Variants in EPHA3 observed in about 807,000 individuals in gnomAD.
EPHA3 encodes ephrin type-A receptor 3.
In EPHA3, 42 loss-of-function variants were observed where a neutral mutation model predicts 107.1. That is an observed-to-expected ratio of 0.39 (90% confidence interval 0.31 to 0.51). The LOEUF (loss-of-function observed/expected upper bound fraction) is 0.51. Ranked by LOEUF, EPHA3 falls within the 20% of genes least tolerant of loss-of-function variation. The pLI is 0.78. For missense variants in EPHA3, 1,183 were observed against 1,211.2 expected, an observed-to-expected ratio of 0.98 and a Z score of 0.35; for synonymous variants, 461 against 424.8, an observed-to-expected ratio of 1.09 and a Z score of -1.05.
intron 13 of EPHA3, among the ~76,000 whole-genome samples, chr3:89,432,553 G>C (rs1374143728): frequency 6.6e-6 from 1 of 151,852 alleles, no homozygotes. Flanking sequence ...TACAGGCATG[G>C]ACCACCAGCC....
At chr3:89,187,282 A>G (rs113168766) in intron 2 of EPHA3, among the ~76,000 whole-genome samples, 4,843 of 149,108 alleles carry the variant, frequency 0.032, 257 homozygotes, top group African/African-American at 0.11. Flanking sequence ...GAATGTATTT[A>G]ATATATGAGT....
chr3:89,148,112 C>G lies in EPHA3; in HGVS notation c.153+20839C>G, dbSNP rs550668853. 2.6e-5 allele frequency among the ~76,000 whole-genome samples: 4 copies of G among 151,960 alleles called. No homozygotes were observed. In the South Asian group the frequency reaches 8.3e-4, roughly 32 times the overall value. On this transcript the variant is annotated intron_variant, in intron 2 of 16. Coordinates refer to ENST00000336596, the MANE Select transcript of EPHA3 (RefSeq NM_005233.6). ...CATGAACTTGTGTGTTGATTAAATG[C>G]AAATATCAGTCAGTAACACACACAT...
chr3:89,380,461 G>C (rs1363550733), intron 5 of EPHA3, among the ~76,000 whole-genome samples: 1 of 152,048 alleles, frequency 6.6e-6, no homozygotes, highest in Non-Finnish European at 1.5e-5. Flanking sequence ...AAAACAACAG[G>C]GTTTGTGTAT....
chr3:89,290,047 A>G (rs571671504), intron 3 of EPHA3, among the ~76,000 whole-genome samples: 1 of 152,214 alleles, frequency 6.6e-6, no homozygotes, highest in South Asian at 2.1e-4. Context: ...GTGTTTTATC[A>G]AAGATAATGT....
chr3:89,171,409 T>TA (rs1705206121), intron 2 of EPHA3, among the ~76,000 whole-genome samples: 1 of 152,192 alleles, frequency 6.6e-6, no homozygotes, highest in Non-Finnish European at 1.5e-5. Flanking sequence ...TGGAAGCAAT[T>TA]AATTTTGGTG....
intron 2 of EPHA3, among the ~76,000 whole-genome samples, chr3:89,145,804 C>G (rs1252428752): frequency 6.6e-6 from 1 of 151,572 alleles, no homozygotes; most frequent in Non-Finnish European, 1.5e-5. Context: ...TTCTCACTCT[C>G]CATTTCACTG....
chr3:89,459,017 A>G (rs1049334089), intron 15 of EPHA3, among the ~76,000 whole-genome samples: 2 of 152,122 alleles, frequency 1.3e-5, no homozygotes, highest in Non-Finnish European at 2.9e-5. Flanking sequence ...ATCACACACC[A>G]GGGCCTATTG....
chr3:89,334,195 C>T (rs573697419), intron 3 of EPHA3, among the ~76,000 whole-genome samples: 9 of 152,246 alleles, frequency 5.9e-5, no homozygotes, highest in African/African-American at 2.2e-4. Flanking sequence ...GTTTGGCAGT[C>T]AATGTATATC....
intron 3 of EPHA3, among the ~76,000 whole-genome samples, chr3:89,281,173 G>T (rs956385576): frequency 1.3e-5 from 2 of 151,968 alleles, no homozygotes; most frequent in Non-Finnish European, 1.5e-5. Context: ...ACAGGCCCAC[G>T]CCGCCACGCC....
chr3:89,202,171 C>T (rs1234108197), intron 2 of EPHA3, among the ~76,000 whole-genome samples: 2 of 151,936 alleles, frequency 1.3e-5, no homozygotes, highest in African/African-American at 2.4e-5. Context: ...GTTATGCCTC[C>T]TCCACCAGCA....
intron 2 of EPHA3, among the ~76,000 whole-genome samples, chr3:89,167,432 T>C (rs1368215011): frequency 4.0e-5 from 6 of 151,428 alleles, no homozygotes; most frequent in Non-Finnish European, 5.9e-5. Flanking sequence ...GGGGGAGAAA[T>C]GAGAAAATGA....
intron 3 of EPHA3, among the ~76,000 whole-genome samples, chr3:89,268,425 G>T (rs1477857570): frequency 3.9e-5 from 6 of 152,006 alleles, no homozygotes; most frequent in Non-Finnish European, 7.4e-5. Context: ...TCTTAAAGAA[G>T]TTCAGTGCAT....
intron 3 of EPHA3, among the ~76,000 whole-genome samples, chr3:89,210,979 TTTC>T (rs1466123728): frequency 6.6e-6 from 1 of 152,108 alleles, no homozygotes; most frequent in Non-Finnish European, 1.5e-5. Context: ...AGTACAGTCT[TTTC>T]TTCACTGACA....
intron 2 of EPHA3, among the ~76,000 whole-genome samples, chr3:89,149,201 T>C (rs150892618): frequency 6.6e-6 from 1 of 152,162 alleles, no homozygotes; most frequent in African/African-American, 2.4e-5. Context: ...CATGGTTGTA[T>C]GCACGTCTGC....
rs139007258 is a variant in EPHA3 at position 89,325,022 on chromosome 3, G to A, written c.815-15894G>A. The stretch of plus-strand genomic sequence containing the variant: ...CCAGTTGCATCCATGTTGCTGCAAA[G>A]GACATGATTTCCTTCTTTCTTATGG... On this transcript the variant is annotated intron_variant, in intron 3 of 16. Transcript: ENST00000336596. Among the ~76,000 whole-genome samples the A allele has an allele frequency of 9.9e-5, 15 of 152,246 alleles. No individual in the cohort carries two copies. The East Asian group carries it at 2.9e-3, about 29-fold the overall frequency.
chr3:89,363,319 G>A (rs1283991530), intron 5 of EPHA3, among the ~76,000 whole-genome samples: 1 of 150,414 alleles, frequency 6.6e-6, no homozygotes, highest in South Asian at 2.1e-4. Flanking sequence ...AGAGTTTAAG[G>A]AATAGGCTCA....
intron 1 of EPHA3, among the ~76,000 whole-genome samples, chr3:89,115,556 G>C (rs377496283): frequency 2.0e-5 from 3 of 151,036 alleles, no homozygotes; most frequent in African/African-American, 7.3e-5. Context: ...TTTCATAAAA[G>C]ATGATTTTGT....
chr3:89,218,839 G>A (rs1408641601), intron 3 of EPHA3, among the ~76,000 whole-genome samples: 1 of 152,204 alleles, frequency 6.6e-6, no homozygotes, highest in African/African-American at 2.4e-5. Flanking sequence ...AACAGGTGCT[G>A]GAGAGGATGT....
chr3:89,244,365 A>G (rs1168170321), intron 3 of EPHA3, among the ~76,000 whole-genome samples: 2 of 152,044 alleles, frequency 1.3e-5, no homozygotes, highest in Non-Finnish European at 2.9e-5. Flanking sequence ...TAAAAATTTT[A>G]AGTAGTAAGA....
Sources: gnomAD v4.1 joint callset for allele counts (sites outside exome capture counted in the v4.1 genomes callset) on GRCh38, gnomAD v4.1.1 for gene constraint, MANE v1.5 for transcripts, NCBI Gene and HGNC (gene_info 2026-07-23, HGNC 2026-07-21) for gene names.